The following QTMAN variants were observed in gnomAD, a reference collection of about 807,000 sequenced individuals.
QTMAN encodes the protein tRNA-queuosine alpha-mannosyltransferase.
the QTMAN span, among the ~76,000 whole-genome samples, chr2:144,164,387 G>A: frequency 6.6e-6 from 1 of 152,034 alleles, no homozygotes; most frequent in Non-Finnish European, 1.5e-5. Context: ...AGCATTTTGA[G>A]ACTGTTTACC....
the QTMAN span, among the ~76,000 whole-genome samples, chr2:144,328,928 A>C: frequency 1.4e-4 from 22 of 152,166 alleles, no homozygotes; most frequent in Non-Finnish European, 2.8e-4. Context: ...TTGTACTTCC[A>C]AGAGAAATAC....
chr2:144,187,907 G>A, the QTMAN span, among the ~76,000 whole-genome samples: 1 of 152,158 alleles, frequency 6.6e-6, no homozygotes, highest in Admixed American at 6.5e-5. Context: ...ATCCAATGAT[G>A]TTTTTCCTTA....
the QTMAN span, among the ~76,000 whole-genome samples, chr2:144,111,324 A>T: frequency 6.6e-6 from 1 of 152,136 alleles, no homozygotes; most frequent in East Asian, 1.9e-4. Flanking sequence ...CCCTTATTTC[A>T]CCGGGTTCAC....
At chr2:144,276,118 T>C in the QTMAN span, among the ~76,000 whole-genome samples, 1 of 152,112 alleles carries the variant, frequency 6.6e-6, no homozygotes, top group Non-Finnish European at 1.5e-5. Flanking sequence ...TGAGAGTCAA[T>C]GCTCCATAGA....
the QTMAN span, chr2:143,940,425 T>C: frequency 6.6e-6 from 1 of 152,198 alleles, no homozygotes; most frequent in African/African-American, 2.4e-5. Flanking sequence ...TGTAAGGAAA[T>C]ATCGAAAGAT....
At chr2:144,073,714 G>A in the QTMAN span, among the ~76,000 whole-genome samples, 2 of 152,160 alleles carry the variant, frequency 1.3e-5, no homozygotes, top group African/African-American at 4.8e-5. Context: ...TATTTGGAGG[G>A]AGAAATTAAA....
At chr2:144,133,962 A>G in the QTMAN span, among the ~76,000 whole-genome samples, 1 of 152,268 alleles carries the variant, frequency 6.6e-6, no homozygotes, top group South Asian at 2.1e-4. Flanking sequence ...TTTTACTAGT[A>G]TGTCCAACAT....
chr2:144,109,037 T>A, the QTMAN span, among the ~76,000 whole-genome samples: 1 of 152,188 alleles, frequency 6.6e-6, no homozygotes, highest in South Asian at 2.1e-4. Context: ...ACCAATGACT[T>A]TCTTCACAGA....
the QTMAN span, among the ~76,000 whole-genome samples, chr2:144,015,508 T>C: frequency 6.6e-6 from 1 of 150,878 alleles, no homozygotes; most frequent in African/African-American, 2.4e-5. Context: ...CTTGAAACTA[T>C]GTCCCATTTT....
chr2:144,199,959 T>C, the QTMAN span, among the ~76,000 whole-genome samples: 1 of 152,356 alleles, frequency 6.6e-6, no homozygotes, highest in East Asian at 1.9e-4. Context: ...CTGATTCTCC[T>C]ACCATAGTAT....
chr2:144,145,722 G>C, the QTMAN span: 1 of 1,608,970 alleles, frequency 6.2e-7, no homozygotes, highest in Admixed American at 1.7e-5. Context: ...GTTAAGCACT[G>C]AACTTGCAAA....
chr2:144,030,093 C>A, the QTMAN span, among the ~76,000 whole-genome samples: 1 of 152,138 alleles, frequency 6.6e-6, no homozygotes, highest in Non-Finnish European at 1.5e-5. Flanking sequence ...AAGGAACACA[C>A]GGAAGACAGT....
the QTMAN span, among the ~76,000 whole-genome samples, chr2:144,139,357 T>TA: frequency 6.6e-5 from 10 of 152,120 alleles, no homozygotes; most frequent in African/African-American, 1.9e-4. Context: ...GGTAACAAGA[T>TA]AAAATAACCT....
chr2:144,184,837 A>G, the QTMAN span, among the ~76,000 whole-genome samples: 1 of 152,140 alleles, frequency 6.6e-6, no homozygotes, highest in Non-Finnish European at 1.5e-5. Flanking sequence ...TATAGTTAGA[A>G]GCTTAAATAA....
At chr2:144,173,981 C>T in the QTMAN span, among the ~76,000 whole-genome samples, 4 of 152,100 alleles carry the variant, frequency 2.6e-5, no homozygotes, top group East Asian at 7.7e-4. Context: ...AAGTCCCTCA[C>T]CAGAAGCAGA....
chr2:143,958,516 T>C, the QTMAN span, among the ~76,000 whole-genome samples: 1 of 152,108 alleles, frequency 6.6e-6, no homozygotes, highest in African/African-American at 2.4e-5. Context: ...TTGGGTAAGA[T>C]AATTCAACCT....
At chr2:144,084,742 CAT>C in the QTMAN span, among the ~76,000 whole-genome samples, 16 of 150,634 alleles carry the variant, frequency 1.1e-4, no homozygotes, top group Admixed American at 3.3e-4. Context: ...GAAAAGCAAA[CAT>C]AAAGTTTCTT....
chr2:144,238,330 T>C, the QTMAN span, among the ~76,000 whole-genome samples: 8 of 152,222 alleles, frequency 5.3e-5, no homozygotes, highest in Non-Finnish European at 1.0e-4. Context: ...AAATGATCCC[T>C]AGTCTCATAG....
At chr2:144,055,340 C>CAG in the QTMAN span, among the ~76,000 whole-genome samples, 2 of 149,676 alleles carry the variant, frequency 1.3e-5, no homozygotes, top group Non-Finnish European at 3.0e-5. Context: ...CACAGACACA[C>CAG]ACACACACAC....
Sources: allele counts gnomAD v4.1 joint callset (sites outside exome capture counted in the v4.1 genomes callset), GRCh38; gene constraint gnomAD v4.1.1; transcripts MANE v1.5; gene names NCBI Gene and HGNC (gene_info 2026-07-23, HGNC 2026-07-21).